DGKH: variants seen among roughly 807,000 people sequenced by gnomAD.
DGKH encodes the protein DAG kinase eta.
In DGKH, 90 loss-of-function variants were observed where a neutral mutation model predicts 159.3. The ratio of observed to expected loss-of-function variants is 0.57; its 90% confidence interval spans 0.48 to 0.67. The LOEUF (loss-of-function observed/expected upper bound fraction) is 0.67. DGKH is among the 30% of genes least tolerant of loss of function. The probability of loss-of-function intolerance (pLI) is 0.00; values close to 1 mark genes in which losing one functional copy is unlikely to be tolerated. For synonymous variants in DGKH, 536 were observed against 553.8 expected, an observed-to-expected ratio of 0.97 and a Z score of 0.45; for missense variants, 1,181 against 1,506.1, an observed-to-expected ratio of 0.78 and a Z score of 3.57.
chr13:42,169,042 T>TA (rs1956377343), intron 11 of DGKH, among the ~76,000 whole-genome samples: 1 of 152,204 alleles, frequency 6.6e-6, no homozygotes, highest in Non-Finnish European at 1.5e-5. Context: ...GAATGAATTA[T>TA]AAAAAACTAG....
intron 3 of DGKH, among the ~76,000 whole-genome samples, chr13:42,144,774 G>A (rs920619862): frequency 6.6e-6 from 1 of 152,070 alleles, no homozygotes; most frequent in Middle Eastern, 3.2e-3. Context: ...TTTACATCCT[G>A]TATGAAATGC....
In DGKH at chr13:42,237,143, G is replaced by A. The variant is rs560620537; in HGVS notation, c.*7955G>A. ...TTTAAAACATAATGGCACAACATACGACACAGAATAAAACACATGTTTTCA... is the reference window on the plus strand; with the variant it reads ...TTTAAAACATAATGGCACAACATACAACACAGAATAAAACACATGTTTTCA... On this transcript the variant is annotated 3_prime_UTR_variant, in exon 30 of 30. Transcript: ENST00000337343. 5 of 152,216 alleles carry A rather than the reference G, an allele frequency of 3.3e-5. No homozygotes were observed. The highest frequency in any genetic ancestry group is 2.1e-4 in the South Asian group (1 of 4,814). The allele number at this position is 152,216 out of a possible 1,614,324, so 9.4% of individuals were successfully genotyped here.
intron 1 of DGKH, among the ~76,000 whole-genome samples, chr13:42,053,598 G>GTA (rs1593954894): frequency 2.2e-5 from 2 of 90,846 alleles, no homozygotes; most frequent in Non-Finnish European, 4.4e-5. Context: ...CTATATATAT[G>GTA]TATATATATA....
chr13:42,063,377 CAG>C (rs1158064856), intron 1 of DGKH, among the ~76,000 whole-genome samples: 14 of 152,112 alleles, frequency 9.2e-5, no homozygotes, highest in Admixed American at 7.2e-4. Context: ...AGTCAGACAT[CAG>C]GGGAGCAGTA....
intron 4 of DGKH, 56 bp from the exon 5 acceptor site, chr13:42,155,608 TCAG>T: frequency 6.2e-7 from 1 of 1,612,128 alleles, no homozygotes. Context: ...TCCAAACAGT[TCAG>T]CATCTGTAGC....
At position 42,218,750 on chromosome 13, in the gene DGKH, C is replaced by T. The variant is rs547935745; in HGVS notation, c.3214-480C>T. Among the ~76,000 whole-genome samples, 20 of 152,224 alleles carry T rather than the reference C, an allele frequency of 1.3e-4. No homozygotes were observed. The South Asian group carries it at 3.7e-3, about 28-fold the overall frequency. ...TTTCCAACTCCTGACCTCAAATGAT[C>T]CGCCCACATTGGCCTCCCAAAGTGC... On this transcript the variant is annotated intron_variant, in intron 26 of 29. Transcript: ENST00000337343.
At chr13:42,120,158 T>C (rs1197283231) in intron 1 of DGKH, among the ~76,000 whole-genome samples, 1 of 152,224 alleles carries the variant, frequency 6.6e-6, no homozygotes, top group Non-Finnish European at 1.5e-5. Context: ...TGAGCTTTCC[T>C]AGTCTAAAGT....
rs1056968328 is a variant in DGKH, at chr13:42,189,045, C to T, written c.1648C>T (p.Leu550=). 1.9e-5 allele frequency: 30 copies of T among 1,614,098 alleles called. No homozygotes were observed. Among genetic ancestry groups the T allele is most frequent in the Non-Finnish European group, 2.5e-5 (29 of 1,180,002 alleles). The change falls in exon 15 of 30, where the codon CTA becomes TTA. Residue 550 remains leucine (L), a synonymous_variant. Coordinates refer to ENST00000337343, the MANE Select transcript of DGKH (RefSeq NM_178009.5). ...CATATTTTCCTCTCAGTGTTCAGTC[C>T]TAAACGAGAAGCTCGAACAACTGCT... ...ADAVASKCSV[L]NEKLEQLLQA... is the part of the protein sequence containing the mutation.
chr13:42,250,820 A>C (rs1237014608), intron 29 of DGKH, among the ~76,000 whole-genome samples: 4 of 152,248 alleles, frequency 2.6e-5, no homozygotes, highest in Non-Finnish European at 5.9e-5. Context: ...TCATTACTGC[A>C]TGATAACAAA....
intron 13 of DGKH, chr13:42,181,654 T>A: frequency 2.9e-6 from 1 of 339,202 alleles, no homozygotes; most frequent in Non-Finnish European, 6.4e-6. Context: ...AGCCCAGCAT[T>A]ACTTCCTCTG....
At chr13:42,170,655 C>T (rs1176876105) in intron 11 of DGKH, among the ~76,000 whole-genome samples, 1 of 151,850 alleles carries the variant, frequency 6.6e-6, no homozygotes, top group East Asian at 1.9e-4. Flanking sequence ...TTGTAAAGAA[C>T]AAGTGGGTTG....
chr13:42,107,829 T>C (rs1954789808), intron 1 of DGKH, among the ~76,000 whole-genome samples: 1 of 152,062 alleles, frequency 6.6e-6, no homozygotes, highest in African/African-American at 2.4e-5. Flanking sequence ...TCCTTGGCCT[T>C]TGGGGACCCC....
intron 1 of DGKH, among the ~76,000 whole-genome samples, chr13:42,081,357 G>A (rs1004555910): frequency 6.6e-6 from 1 of 152,022 alleles, no homozygotes; most frequent in African/African-American, 2.4e-5. Flanking sequence ...AGCCTCCCAA[G>A]TAACTGGGAC....
chr13:42,097,560 G>T (rs964500770), intron 1 of DGKH, among the ~76,000 whole-genome samples: 1 of 152,094 alleles, frequency 6.6e-6, no homozygotes, highest in Non-Finnish European at 1.5e-5. Context: ...CCAGATGCCG[G>T]CAACTGGGAG....
chr13:42,186,912 T>C, intron 13 of DGKH, 137 bp from the exon 14 acceptor site: 2 of 682,050 alleles, frequency 2.9e-6, no homozygotes, highest in Non-Finnish European at 5.0e-6. Flanking sequence ...GCACAGCAGA[T>C]AGAAGCATAG....
chr13:42,152,034 G>T (rs1426351686), intron 3 of DGKH, among the ~76,000 whole-genome samples: 2 of 152,164 alleles, frequency 1.3e-5, no homozygotes, highest in Non-Finnish European at 2.9e-5. Flanking sequence ...CATGATGAGT[G>T]ATGTTGAGCA....
At chr13:42,043,527 G>A (rs1880636425) in intron 1 of DGKH, among the ~76,000 whole-genome samples, 1 of 151,768 alleles carries the variant, frequency 6.6e-6, no homozygotes, top group Non-Finnish European at 1.5e-5. Flanking sequence ...TTTTTGTAGA[G>A]GTGGGATCTG....
At chr13:42,097,019 C>A (rs372444082) in intron 1 of DGKH, among the ~76,000 whole-genome samples, 2 of 152,202 alleles carry the variant, frequency 1.3e-5, no homozygotes, top group Non-Finnish European at 2.9e-5. Context: ...GCCTCCAGAA[C>A]TGGGAAATCC....
rs1378781348 is a variant in DGKH at position 42,229,354 on chromosome 13, G to A, written c.*166G>A. 1 of 593,098 alleles carries A rather than the reference G, an allele frequency of 1.7e-6. No individual in the cohort carries two copies. Among genetic ancestry groups the A allele is most frequent in the African/African-American group, 2.0e-5 (1 of 50,408 alleles). 36.7% of individuals were successfully genotyped at this position (593,098 alleles called of 1,614,324 possible). ...GGTGAAATTTTGATTTGAGGTATTAGAAAATATTTTTGTGCCGAACAATAC... is the reference window on the plus strand; with the variant it reads ...GGTGAAATTTTGATTTGAGGTATTAAAAAATATTTTTGTGCCGAACAATAC... On this transcript the variant is annotated 3_prime_UTR_variant, in exon 30 of 30. Transcript: ENST00000337343.
Sources: gnomAD v4.1 joint callset for allele counts (sites outside exome capture counted in the v4.1 genomes callset) on GRCh38, gnomAD v4.1.1 for gene constraint, MANE v1.5 for transcripts, NCBI Gene and HGNC (gene_info 2026-07-23, HGNC 2026-07-21) for gene names.